The following SH3TC2 variants were observed in gnomAD, a reference collection of about 807,000 sequenced individuals.
SH3TC2 encodes the protein SH3 domain and tetratricopeptide repeats 2.
SH3TC2 carries 87 observed loss-of-function variants against 124.5 expected under a neutral mutation model. That is an observed-to-expected ratio of 0.70 (90% CI 0.59 to 0.84). The LOEUF (loss-of-function observed/expected upper bound fraction) is 0.84, where lower values mean the gene tolerates loss of function less well. SH3TC2 is among the 40% of genes least tolerant of loss of function. SH3TC2 has a pLI of 0.00. For missense variants in SH3TC2, 1,536 were observed against 1,566.4 expected, an observed-to-expected ratio of 0.98 and a Z score of 0.33; for synonymous variants, 634 against 628.5, an observed-to-expected ratio of 1.01 and a Z score of -0.13.
In SH3TC2 at chr5:149,028,200, A is replaced by G. The variant is rs1754109137; in HGVS notation, c.1532T>C (p.Leu511Pro). ...CTTGGCCCACTTTCTTGATGCCTCCAGGTAGGCCACAAACTCATCCTCCTC... is the reference window on the plus strand; with the variant it reads ...CTTGGCCCACTTTCTTGATGCCTCCGGGTAGGCCACAAACTCATCCTCCTC... ...FSEEDEFVAY[L>P]EASRKWAKKS... The change falls in exon 11 of 17, where the codon CTG (leucine) becomes CCG (proline). Residue 511 changes from leucine to proline, a missense_variant. By Grantham distance (98) the Leu-to-Pro change is moderately conservative. Transcript: ENST00000515425. 10 of 1,614,084 alleles carry G rather than the reference A, an allele frequency of 6.2e-6. No homozygotes were observed. The highest frequency in any genetic ancestry group is 7.6e-6 in the Non-Finnish European group (9 of 1,180,022).
chr5:149,039,283 C>T (rs909162656), intron 7 of SH3TC2, among the ~76,000 whole-genome samples: 9 of 152,158 alleles, frequency 5.9e-5, no homozygotes, highest in Middle Eastern at 3.2e-3. Flanking sequence ...TCAAAGGGCA[C>T]GGAAACTATC....
chr5:149,033,121 T>A (rs76572888), intron 8 of SH3TC2, among the ~76,000 whole-genome samples: 1 of 152,314 alleles, frequency 6.6e-6, no homozygotes, highest in East Asian at 1.9e-4. Flanking sequence ...AGTGACATGC[T>A]AAGAATTGCA....
Position 149,031,649 on chromosome 5 carries a change from C to A in SH3TC2, c.1040G>T (p.Cys347Phe), listed in dbSNP as rs1271507097. ...NSAFLSDEER[C>F]SLLALGSDKQ... is the part of the protein sequence containing the mutation. The stretch of plus-strand genomic sequence containing the variant: ...ATCACTTCCCAGGGCCAACAGGGAG[C>A]ATCTCTCCTCATCACTGAGAAAGGC... The change falls in exon 9 of 17, where the codon TGC (cysteine) becomes TTC (phenylalanine). Residue 347 changes from cysteine (C) to phenylalanine (F), a missense_variant. By Grantham distance (205) the Cys-to-Phe change is radical (BLOSUM62 -2). This residue lies in a region of SH3TC2 where 1,102 missense variants were observed against 1,098.6 expected (regional missense o/e 1.00). Coordinates refer to ENST00000515425, the MANE Select transcript of SH3TC2 (RefSeq NM_024577.4). 3 of 1,614,120 alleles carry A rather than the reference C, an allele frequency of 1.9e-6. No individual in the cohort carries two copies. Among genetic ancestry groups the A allele is most frequent in the Admixed American group, 3.3e-5 (2 of 60,026 alleles).
In SH3TC2 at chr5:149,004,317, G is replaced by A. The variant is rs1196246691; in HGVS notation, c.*394C>T. The A allele has an allele frequency of 4.9e-6, 1 of 204,852 alleles. No homozygotes were observed. The highest frequency in any genetic ancestry group is 1.0e-5 in the Non-Finnish European group (1 of 99,990). 12.7% of individuals were successfully genotyped at this position (204,852 alleles called of 1,614,324 possible). A position where few individuals can be genotyped will look rare whatever the true frequency, so the allele number is the denominator to read the frequency against. ...CTTTCCCTGAGAAAATCGGTGAAGA[G>A]CACAAATTCCAATCTGCTTGCCTTT... On this transcript the variant is annotated 3_prime_UTR_variant, in exon 17 of 17. Coordinates refer to ENST00000515425, the MANE Select transcript of SH3TC2 (RefSeq NM_024577.4).
rs1254100915 is a variant in SH3TC2 at position 149,044,517 on chromosome 5, T to C, written c.385+16A>G. ...GTGGAGGAGGTCATCCTCCACCTGCTTGCCTTGTACCATACCTAAATTAAG... is the reference window on the plus strand; with the variant it reads ...GTGGAGGAGGTCATCCTCCACCTGCCTGCCTTGTACCATACCTAAATTAAG... On this transcript the variant is annotated intron_variant, in intron 4 of 16. Transcript: ENST00000515425. The C allele has an allele frequency of 1.2e-6, 2 of 1,605,068 alleles. No homozygotes were observed. The highest frequency in any genetic ancestry group is 1.7e-6 in the Non-Finnish European group (2 of 1,171,894).
intron 12 of SH3TC2, among the ~76,000 whole-genome samples, chr5:149,023,101 T>G (rs751293484): frequency 4.6e-5 from 7 of 152,244 alleles, no homozygotes; most frequent in African/African-American, 4.8e-5. Flanking sequence ...GGAAACTCTT[T>G]TGTAAAATTT....
rs1753624819 is a variant in SH3TC2 at position 149,003,209 on chromosome 5, CT to C, written c.*1501del. On this transcript the variant is annotated 3_prime_UTR_variant, in exon 17 of 17. Coordinates refer to ENST00000515425, the MANE Select transcript of SH3TC2 (RefSeq NM_024577.4). The stretch of plus-strand genomic sequence containing the variant: ...TCAAGCTGTTGGTAAACACTCCCCT[CT>C]TGTGGGAGCTAGACCTAGTGACTCA... 6.6e-6 allele frequency: 1 copy of C among 152,288 alleles called. No homozygotes were observed. The highest frequency in any genetic ancestry group is 1.5e-5 in the Non-Finnish European group (1 of 68,064). The allele number at this position is 152,288 out of a possible 1,614,324, so 9.4% of individuals were successfully genotyped here.
intron 12 of SH3TC2, among the ~76,000 whole-genome samples, chr5:149,016,128 G>A (rs531726162): frequency 3.3e-4 from 50 of 152,130 alleles, no homozygotes; most frequent in Non-Finnish European, 5.7e-4. Flanking sequence ...TGCTTTACAC[G>A]CAAAATCTCA....
chr5:149,005,968 TAAG>T (rs1298056444), intron 16 of SH3TC2, among the ~76,000 whole-genome samples: 1 of 152,132 alleles, frequency 6.6e-6, no homozygotes, highest in African/African-American at 2.4e-5. Context: ...ACCAAAATAA[TAAG>T]AAGTTCTGGG....
In SH3TC2 at chr5:148,999,257, T is replaced by C. The variant is rs778736501; in HGVS notation, c.*5454A>G. On this transcript the variant is annotated 3_prime_UTR_variant, in exon 17 of 17. Coordinates refer to ENST00000515425, the MANE Select transcript of SH3TC2 (RefSeq NM_024577.4). ...GCACTTCTCAATGTCAAGGCTTACA[T>C]GCCTCCAAAGATGGATTTCCTTTTT... Among the ~76,000 whole-genome samples the C allele has an allele frequency of 9.9e-5, 15 of 152,252 alleles. No individual in the cohort carries two copies. The highest frequency in any genetic ancestry group is 1.6e-4 in the Non-Finnish European group (11 of 68,050).
intron 12 of SH3TC2, among the ~76,000 whole-genome samples, chr5:149,017,027 A>G (rs1753886908): frequency 6.6e-6 from 1 of 152,034 alleles, no homozygotes; most frequent in African/African-American, 2.4e-5. Context: ...AGGACCTATT[A>G]TATGCAAGGC....
chr5:149,062,497 C>T (rs922238784), intron 1 of SH3TC2: 1 of 460,170 alleles, frequency 2.2e-6, no homozygotes, highest in Non-Finnish European at 4.4e-6. Flanking sequence ...TGCACTCACA[C>T]ACAAATCACT....
At chr5:149,017,098 C>T (rs1056518460) in intron 12 of SH3TC2, among the ~76,000 whole-genome samples, 4 of 152,108 alleles carry the variant, frequency 2.6e-5, no homozygotes, top group South Asian at 2.1e-4. Flanking sequence ...ACAATTTATA[C>T]GATAACTTTA....
At chr5:149,043,142 C>T (rs1298020094) in intron 4 of SH3TC2, among the ~76,000 whole-genome samples, 1 of 152,126 alleles carries the variant, frequency 6.6e-6, no homozygotes, top group Non-Finnish European at 1.5e-5. Context: ...CTAATACAGC[C>T]ACGGAGGTCT....
chr5:149,036,540 G>A (rs191773207), intron 8 of SH3TC2, among the ~76,000 whole-genome samples: 1 of 152,104 alleles, frequency 6.6e-6, no homozygotes, highest in Non-Finnish European at 1.5e-5. Flanking sequence ...TCACCAGAAT[G>A]TATTGGATTT....
chr5:149,059,575 T>C (rs1754709674), intron 1 of SH3TC2, among the ~76,000 whole-genome samples: 1 of 151,770 alleles, frequency 6.6e-6, no homozygotes, highest in Non-Finnish European at 1.5e-5. Flanking sequence ...TTCTCCTTGT[T>C]GGGACGAATA....
In SH3TC2 at chr5:149,062,951, G is replaced by A. The variant is rs758739379; in HGVS notation, c.52+20C>T. 6.3e-7 allele frequency: 1 copy of A among 1,576,502 alleles called. No homozygotes were observed. The highest frequency in any genetic ancestry group is 8.6e-7 in the Non-Finnish European group (1 of 1,159,740). ...CCACTTTGGCCAAGCCACAGGCCAA[G>A]GGCCCCCTGGGAAACTCACCTGGGC... is the stretch of plus-strand genomic sequence containing the variant. On this transcript the variant is annotated intron_variant, in intron 1 of 16. Transcript: ENST00000515425.
Position 149,028,280 on chromosome 5 carries a change from CTT to C in SH3TC2, c.1450_1451del (p.Lys484GlufsTer4). 1 of 1,613,968 alleles carries C rather than the reference CTT, an allele frequency of 6.2e-7. No homozygotes were observed. The highest frequency in any genetic ancestry group is 8.5e-7 in the Non-Finnish European group (1 of 1,180,044). The stretch of plus-strand genomic sequence containing the variant: ...AAGAGAAGGAGAAGTCATAGAGACT[CTT>C]AAAGTGGTCAGCATAACCCTCATGA... ...LDHEGYADHF[K>X]SLYDFSFSFL... On this transcript the variant is annotated frameshift_variant, in exon 11 of 17. Transcript: ENST00000515425. LOFTEE classifies it high-confidence loss of function.
intron 9 of SH3TC2, among the ~76,000 whole-genome samples, chr5:149,029,852 G>A (rs1179594846): frequency 6.6e-6 from 1 of 152,082 alleles, no homozygotes; most frequent in Non-Finnish European, 1.5e-5. Flanking sequence ...CCACAGGATG[G>A]TAGCTGCTAG....
Sources: allele counts gnomAD v4.1 joint callset (sites outside exome capture counted in the v4.1 genomes callset), GRCh38; gene constraint gnomAD v4.1.1; regional missense constraint gnomAD v4.1.1; transcripts MANE v1.5; gene names NCBI Gene and HGNC (gene_info 2026-07-23, HGNC 2026-07-21).